The following PAN3 variants were observed in gnomAD, a reference collection of about 807,000 sequenced individuals.
PAN3 encodes the protein PAN2-PAN3 deadenylation complex subunit PAN3.
A neutral mutation model predicts 96.2 loss-of-function variants in PAN3; 19 were observed. The observed-to-expected ratio is 0.20, with a 90% confidence interval of 0.14 to 0.29. The LOEUF (loss-of-function observed/expected upper bound fraction) is 0.29, where lower values mean the gene tolerates loss of function less well. Ranked by LOEUF, PAN3 falls within the 10% of genes least tolerant of loss-of-function variation. The pLI is 1.00. For synonymous variants in PAN3, 433 were observed against 406.6 expected, an observed-to-expected ratio of 1.06 and a Z score of -0.78; for missense variants, 882 against 1,108.1, an observed-to-expected ratio of 0.80 and a Z score of 2.90.
intron 5 of PAN3, among the ~76,000 whole-genome samples, chr13:28,212,704 T>C (rs1010581779): frequency 6.6e-6 from 1 of 152,142 alleles, no homozygotes; most frequent in African/African-American, 2.4e-5. Context: ...CTGAAATGAA[T>C]AATATGTTTG....
intron 14 of PAN3, among the ~76,000 whole-genome samples, chr13:28,276,369 T>A (rs1887061833): frequency 6.6e-6 from 1 of 152,244 alleles, no homozygotes; most frequent in Non-Finnish European, 1.5e-5. Flanking sequence ...GGTGGTTTCA[T>A]GTTAACTCTG....
rs140620997 is a variant in PAN3 at position 28,187,726 on chromosome 13, C to T, written c.691-9459C>T. Reference sequence around the variant, plus strand: ...TATAATTTATTTTTCTCATTTTTTACGTATTTTTGTTTTTTGAGGGGCAGT... The same window carrying T: ...TATAATTTATTTTTCTCATTTTTTATGTATTTTTGTTTTTTGAGGGGCAGT... On this transcript the variant is annotated intron_variant, in intron 4 of 18. Transcript: ENST00000380958. 8.7e-4 allele frequency among the ~76,000 whole-genome samples: 132 copies of T among 152,198 alleles called. 2 individuals are homozygous for T. The East Asian group carries it at 0.021, about 24-fold the overall frequency.
chr13:28,152,400 C>T (rs1406424306), intron 1 of PAN3, among the ~76,000 whole-genome samples: 1 of 151,906 alleles, frequency 6.6e-6, no homozygotes, highest in East Asian at 1.9e-4. Context: ...CCTGGCCAAC[C>T]TGGTGAAACC....
chr13:28,243,807 GC>G (rs1161289222), intron 6 of PAN3, among the ~76,000 whole-genome samples: 1 of 152,106 alleles, frequency 6.6e-6, no homozygotes, highest in Non-Finnish European at 1.5e-5. Flanking sequence ...TCCTGCCTCA[GC>G]CTCCTGAGTA....
intron 1 of PAN3, among the ~76,000 whole-genome samples, chr13:28,154,558 G>A (rs751289530): frequency 3.7e-4 from 56 of 151,944 alleles, no homozygotes; most frequent in Non-Finnish European, 6.8e-4. Flanking sequence ...ACAATGGCAC[G>A]ATTTTGGCTC....
At chr13:28,227,477 T>G (rs1882122556) in intron 6 of PAN3, among the ~76,000 whole-genome samples, 2 of 152,188 alleles carry the variant, frequency 1.3e-5, no homozygotes, top group Admixed American at 6.5e-5. Flanking sequence ...AGTCTCTTGC[T>G]GCTCTTGGAC....
intron 6 of PAN3, among the ~76,000 whole-genome samples, chr13:28,235,165 A>G (rs1217343301): frequency 2.0e-5 from 3 of 152,108 alleles, no homozygotes; most frequent in Non-Finnish European, 4.4e-5. Context: ...TGTTCTCTGC[A>G]TGTGTCATTC....
intron 1 of PAN3, among the ~76,000 whole-genome samples, chr13:28,172,332 T>C (rs1038316912): frequency 1.3e-5 from 2 of 151,884 alleles, no homozygotes; most frequent in Non-Finnish European, 1.5e-5. Context: ...GGTGGGCGCC[T>C]GTATTCCAAG....
chr13:28,223,669 A>G (rs1380341075), intron 6 of PAN3, among the ~76,000 whole-genome samples: 3 of 151,764 alleles, frequency 2.0e-5, no homozygotes, highest in African/African-American at 7.3e-5. Flanking sequence ...AGAACCACTG[A>G]TTTAACACAA....
chr13:28,245,335 G>A (rs1291330002), intron 6 of PAN3, among the ~76,000 whole-genome samples: 4 of 150,424 alleles, frequency 2.7e-5, no homozygotes, highest in Admixed American at 2.0e-4. Flanking sequence ...AGTTCTAGTT[G>A]TTTATATCTA....
chr13:28,180,405 A>T (rs1374316146), intron 4 of PAN3, among the ~76,000 whole-genome samples: 9 of 152,232 alleles, frequency 5.9e-5, no homozygotes, highest in Admixed American at 5.2e-4. Context: ...CATATATTTT[A>T]AAATTGTTAA....
intron 1 of PAN3, among the ~76,000 whole-genome samples, chr13:28,147,649 A>G (rs1178659173): frequency 2.0e-5 from 3 of 152,218 alleles, no homozygotes; most frequent in East Asian, 1.9e-4. Context: ...ACTTTGTGAC[A>G]TAGTATGATA....
intron 6 of PAN3, among the ~76,000 whole-genome samples, chr13:28,233,572 A>G (rs893809250): frequency 2.0e-5 from 3 of 152,168 alleles, no homozygotes; most frequent in Admixed American, 6.5e-5. Context: ...CGGCCTGGAA[A>G]TTAAGACATT....
chr13:28,142,833 A>C, intron 1 of PAN3, among the ~76,000 whole-genome samples: 1 of 152,158 alleles, frequency 6.6e-6, no homozygotes, highest in East Asian at 1.9e-4. Context: ...ATAGAGCATA[A>C]TTCTCTCCAT....
chr13:28,215,988 T>C (rs1425841133), intron 5 of PAN3: 1 of 754,598 alleles, frequency 1.3e-6, no homozygotes, highest in East Asian at 2.5e-5. Flanking sequence ...TTTAAGTTAA[T>C]AGTAAAAGAC....
chr13:28,288,667 C>T lies in PAN3; in HGVS notation c.2523+545C>T, dbSNP rs955381466. Among the ~76,000 whole-genome samples, 41 of 152,106 alleles carry T rather than the reference C, an allele frequency of 2.7e-4. 1 individual carries two copies. The highest frequency in any genetic ancestry group is 5.9e-4 in the Non-Finnish European group (40 of 68,012). ...AGTATCACAAAATGACTGCTTCCCT[C>T]CTTTATGCAATGTTTTATTTACATG... On this transcript the variant is annotated intron_variant, in intron 18 of 18. Coordinates refer to ENST00000380958, the MANE Select transcript of PAN3 (RefSeq NM_175854.8).
intron 6 of PAN3, among the ~76,000 whole-genome samples, chr13:28,249,730 G>A (rs753148377): frequency 6.6e-6 from 1 of 152,106 alleles, no homozygotes; most frequent in African/African-American, 2.4e-5. Flanking sequence ...GATTACAGGC[G>A]TGAGCCACCG....
chr13:28,288,492 A>G (rs542661187), intron 18 of PAN3, among the ~76,000 whole-genome samples: 61 of 152,230 alleles, frequency 4.0e-4, no homozygotes, highest in Non-Finnish European at 5.6e-4. Flanking sequence ...AGGTTTCACC[A>G]TGTTGGCCAG....
intron 1 of PAN3, 135 bp downstream of exon 1, chr13:28,139,222 A>G: frequency 3.9e-6 from 4 of 1,031,782 alleles, no homozygotes; most frequent in Non-Finnish European, 5.0e-6. Flanking sequence ...TGAGAGGCCT[A>G]GGCCGGGCCT....
Sources: gnomAD v4.1 joint callset for allele counts (sites outside exome capture counted in the v4.1 genomes callset) on GRCh38, gnomAD v4.1.1 for gene constraint, MANE v1.5 for transcripts, NCBI Gene and HGNC (gene_info 2026-07-23, HGNC 2026-07-21) for gene names.